Variants in ARHGAP22 observed in about 807,000 individuals in gnomAD.
ARHGAP22 encodes Rho GTPase activating protein 22.
A neutral mutation model predicts 59.1 loss-of-function variants in ARHGAP22; 48 were observed. The observed-to-expected ratio is 0.81, with a 90% CI of 0.64 to 1.03. The LOEUF (loss-of-function observed/expected upper bound fraction) is 1.03, where lower values mean the gene tolerates loss of function less well. ARHGAP22 is among the 50% of genes least tolerant of loss of function. ARHGAP22 has a pLI of 0.00. For missense variants in ARHGAP22, 1,015 were observed against 958.7 expected (o/e 1.06, Z -0.78); for synonymous variants, 445 against 416.4 (o/e 1.07, Z -0.84).
At chr10:48,628,058 G>A (rs2047234359) in intron 1 of ARHGAP22, among the ~76,000 whole-genome samples, 1 of 152,228 alleles carries the variant, frequency 6.6e-6, no homozygotes, top group African/African-American at 2.4e-5. Flanking sequence ...GCATCACAGG[G>A]ACAGACATCT....
intron 3 of ARHGAP22, among the ~76,000 whole-genome samples, chr10:48,545,143 T>TTA (rs2056319424): frequency 6.6e-6 from 1 of 152,266 alleles, no homozygotes; most frequent in African/African-American, 2.4e-5. Flanking sequence ...TAAAAAAATT[T>TTA]TAAATTTTTA....
upstream of ARHGAP22, among the ~76,000 whole-genome samples, chr10:48,608,729 C>T (rs181991311): frequency 2.6e-4 from 40 of 152,240 alleles, no homozygotes; most frequent in East Asian, 4.2e-3. Context: ...AGTAGTGGGC[C>T]GGACCAGCTG....
intron 1 of ARHGAP22, among the ~76,000 whole-genome samples, chr10:48,619,995 CA>C (rs796981593): frequency 1.3e-5 from 2 of 152,282 alleles, no homozygotes; most frequent in African/African-American, 4.8e-5. Context: ...TCAAATACCT[CA>C]AAAACAAAAG....
At chr10:48,565,003 C>A (rs866552236) in intron 2 of ARHGAP22, among the ~76,000 whole-genome samples, 1 of 152,182 alleles carries the variant, frequency 6.6e-6, no homozygotes, top group Non-Finnish European at 1.5e-5. Context: ...ACAGCAACAG[C>A]GACAATGATT....
In ARHGAP22 at chr10:48,446,235, C is replaced by G; in HGVS notation, c.*156G>C. On this transcript the variant is annotated 3_prime_UTR_variant, in exon 10 of 10. Transcript: ENST00000249601. The stretch of plus-strand genomic sequence containing the variant: ...TGATCCCACCTGGAGTGTGTGGGGT[C>G]CCAAAAGTCCCCACAGTCCCCACAG... 1 of 749,594 alleles carries G rather than the reference C, an allele frequency of 1.3e-6. No homozygotes were observed. Among genetic ancestry groups the G allele is most frequent in the Non-Finnish European group, 2.1e-6 (1 of 466,068 alleles). The allele number at this position is 749,594 out of a possible 1,614,324, so 46.4% of individuals were successfully genotyped here.
At chr10:48,575,269 A>G (rs1468025894) in intron 2 of ARHGAP22, 1 of 152,166 alleles carries the variant, frequency 6.6e-6, no homozygotes, top group African/African-American at 2.4e-5. Context: ...TTAAAAAAAA[A>G]TTATCCAGTC....
At chr10:48,540,971 A>C (rs1041237249) in intron 3 of ARHGAP22, among the ~76,000 whole-genome samples, 1 of 152,020 alleles carries the variant, frequency 6.6e-6, no homozygotes, top group East Asian at 2.0e-4. Flanking sequence ...TTTGCTTGAA[A>C]GTGCTGCTTC....
At chr10:48,626,322 CT>C (rs2061447741) in intron 1 of ARHGAP22, among the ~76,000 whole-genome samples, 1 of 152,174 alleles carries the variant, frequency 6.6e-6, no homozygotes, top group Admixed American at 6.5e-5. Flanking sequence ...ATTGTGAATT[CT>C]GATGTCCCCA....
rs140094417 is a variant in ARHGAP22 at position 48,550,037 on chromosome 10, C to G, written c.322+5426G>C. Among the ~76,000 whole-genome samples the G allele has an allele frequency of 2.0e-3, 310 of 152,318 alleles. 2 individuals are homozygous for G. The highest frequency in any genetic ancestry group is 3.2e-4 in the Non-Finnish European group (22 of 68,034). On this transcript the variant is annotated intron_variant, in intron 3 of 9. Transcript: ENST00000249601. ...TAAATTCAGTTACCTATGTGCTGAG[C>G]GCCTTGGAACTAAGGTGTGAAGGAG... is the stretch of plus-strand genomic sequence containing the variant.
chr10:48,568,549 C>T (rs941452204), intron 2 of ARHGAP22, among the ~76,000 whole-genome samples: 1 of 152,230 alleles, frequency 6.6e-6, no homozygotes, highest in Admixed American at 6.5e-5. Flanking sequence ...AGGGAACCAG[C>T]CCTCAGAGGG....
intron 3 of ARHGAP22, among the ~76,000 whole-genome samples, chr10:48,516,175 T>C (rs867257704): frequency 3.3e-5 from 5 of 152,198 alleles, no homozygotes; most frequent in African/African-American, 9.6e-5. Flanking sequence ...AGGAATGACA[T>C]AGGGAACATC....
chr10:48,581,489 C>T (rs557842388), intron 2 of ARHGAP22, among the ~76,000 whole-genome samples: 1 of 152,348 alleles, frequency 6.6e-6, no homozygotes, highest in African/African-American at 2.4e-5. Context: ...GCTCACTTAA[C>T]TACTTAGAGT....
chr10:48,488,474 T>C (rs1030835582), intron 3 of ARHGAP22, among the ~76,000 whole-genome samples: 5 of 152,246 alleles, frequency 3.3e-5, no homozygotes, highest in African/African-American at 1.2e-4. Flanking sequence ...TGAATGTTTC[T>C]GTATTTCCAT....
At chr10:48,519,998 G>A (rs1282856960) in intron 3 of ARHGAP22, among the ~76,000 whole-genome samples, 1 of 152,232 alleles carries the variant, frequency 6.6e-6, no homozygotes, top group Admixed American at 6.5e-5. Flanking sequence ...TGCCATCAAG[G>A]CGATAAGTCG....
chr10:48,651,324 T>C (rs2062552042), intron 1 of ARHGAP22, among the ~76,000 whole-genome samples: 1 of 152,152 alleles, frequency 6.6e-6, no homozygotes. Context: ...CATCAGGTCA[T>C]GCATATGACC....
intron 1 of ARHGAP22, among the ~76,000 whole-genome samples, chr10:48,642,129 G>A (rs1209438629): frequency 6.6e-6 from 1 of 152,124 alleles, no homozygotes; most frequent in Non-Finnish European, 1.5e-5. Flanking sequence ...TCATGGATAG[G>A]AAGAATCAAT....
chr10:48,438,932 T>TA, the ARHGAP22 span: 1 of 152,196 alleles, frequency 6.6e-6, no homozygotes, highest in Admixed American at 6.5e-5. Context: ...AGAAATAAAT[T>TA]ACTTTTGTAG....
intron 1 of ARHGAP22, among the ~76,000 whole-genome samples, chr10:48,638,689 A>G (rs1442028155): frequency 6.6e-6 from 1 of 152,194 alleles, no homozygotes; most frequent in Non-Finnish European, 1.5e-5. Context: ...AGTATTAAAC[A>G]TATATTATGT....
At chr10:48,631,464 AT>A (rs1347697859) in intron 1 of ARHGAP22, among the ~76,000 whole-genome samples, 1 of 152,222 alleles carries the variant, frequency 6.6e-6, no homozygotes, top group Non-Finnish European at 1.5e-5. Context: ...ATTGTCATTT[AT>A]TTAACTTCTT....
Sources: allele counts gnomAD v4.1 joint callset (sites outside exome capture counted in the v4.1 genomes callset), GRCh38; gene constraint gnomAD v4.1.1; transcripts MANE v1.5; gene names NCBI Gene and HGNC (gene_info 2026-07-23, HGNC 2026-07-21).